The following MAP2K1 variants were observed in gnomAD, a reference collection of about 807,000 sequenced individuals.
MAP2K1 encodes mitogen-activated protein kinase kinase 1.
In MAP2K1, 16 loss-of-function variants were observed where a neutral mutation model predicts 46.3. The observed-to-expected ratio is 0.35, with a 90% CI of 0.23 to 0.52. The LOEUF (loss-of-function observed/expected upper bound fraction) is 0.52. Ranked by LOEUF, MAP2K1 falls within the 20% of genes least tolerant of loss-of-function variation. The pLI, the probability that MAP2K1 is intolerant of heterozygous loss-of-function variation, is 0.94. For missense variants in MAP2K1, 263 were observed against 497.1 expected (o/e 0.53, Z 4.48); for synonymous variants, 183 against 185.6 (o/e 0.99, Z 0.11).
In MAP2K1 at chr15:66,435,255, A is replaced by T. The variant is rs577549188; in HGVS notation, c.291+18A>T. 21 of 1,606,022 alleles carry T rather than the reference A, an allele frequency of 1.3e-5. No homozygotes were observed. In the East Asian group the frequency reaches 4.2e-4, roughly 32 times the overall value. On this transcript the variant is annotated intron_variant, in intron 2 of 10. Transcript: ENST00000307102. ...CCAGAAAGGTGAGTTTGCCTTGATT[A>T]ACAGGTAATTGGATTATTTCTCAGG...
At chr15:66,441,965 A>G (rs919324990) in intron 3 of MAP2K1, among the ~76,000 whole-genome samples, 1 of 152,168 alleles carries the variant, frequency 6.6e-6, no homozygotes, top group African/African-American at 2.4e-5. Context: ...GCCTTGATAC[A>G]TCAGGATCCC....
intron 1 of MAP2K1, among the ~76,000 whole-genome samples, chr15:66,399,024 C>T (rs1383633735): frequency 1.3e-5 from 2 of 152,156 alleles, no homozygotes; most frequent in Admixed American, 6.5e-5. Context: ...CCGCCTGCCG[C>T]GGCCTCCCAA....
intron 5 of MAP2K1, among the ~76,000 whole-genome samples, chr15:66,460,628 A>G (rs953752492): frequency 5.3e-5 from 8 of 152,216 alleles, no homozygotes; most frequent in African/African-American, 1.7e-4. Flanking sequence ...CATGGGCAAC[A>G]GGAAGCAGTG....
At chr15:66,466,585 C>A (rs1394969763) in intron 5 of MAP2K1, among the ~76,000 whole-genome samples, 3 of 152,106 alleles carry the variant, frequency 2.0e-5, no homozygotes, top group African/African-American at 7.2e-5. Context: ...GAGTCTGAGA[C>A]CCAAGAATCA....
chr15:66,420,837 A>G (rs370540427), intron 1 of MAP2K1, among the ~76,000 whole-genome samples: 19,917 of 75,052 alleles, frequency 0.27, 5,998 homozygotes, highest in South Asian at 0.4. Context: ...ATGTGTATAT[A>G]TATGTGTGTA....
chr15:66,431,250 G>A (rs2093474389), intron 1 of MAP2K1, among the ~76,000 whole-genome samples: 1 of 152,146 alleles, frequency 6.6e-6, no homozygotes, highest in Non-Finnish European at 1.5e-5. Flanking sequence ...CGTTGGGTGA[G>A]GGCCCTCTGT....
intron 1 of MAP2K1, among the ~76,000 whole-genome samples, chr15:66,391,657 C>T (rs1408404363): frequency 1.3e-5 from 2 of 152,216 alleles, no homozygotes; most frequent in Admixed American, 1.3e-4. Context: ...TTTGTTGAGT[C>T]AGTGAGTGAA....
intron 5 of MAP2K1, among the ~76,000 whole-genome samples, chr15:66,445,250 G>A (rs1026679306): frequency 1.3e-5 from 2 of 152,064 alleles, no homozygotes; most frequent in Admixed American, 6.6e-5. Context: ...TTAGCCGCCA[G>A]CCATGGTGGC....
intron 5 of MAP2K1, among the ~76,000 whole-genome samples, chr15:66,457,265 T>A (rs1892188841): frequency 6.6e-6 from 1 of 152,174 alleles, no homozygotes; most frequent in South Asian, 2.1e-4. Context: ...ATCACAGGCA[T>A]GTGCCACTAC....
chr15:66,447,948 C>T (rs780266803), intron 5 of MAP2K1, among the ~76,000 whole-genome samples: 22 of 150,696 alleles, frequency 1.5e-4, no homozygotes, highest in Admixed American at 3.3e-4. Context: ...GTCAGGAGTT[C>T]GAGACCAGAC....
chr15:66,464,207 C>G (rs1013939888), intron 5 of MAP2K1, among the ~76,000 whole-genome samples: 11 of 152,252 alleles, frequency 7.2e-5, no homozygotes, highest in Middle Eastern at 3.4e-3. Context: ...TATTCCTAGA[C>G]AGGTAGGTAG....
intron 5 of MAP2K1, among the ~76,000 whole-genome samples, chr15:66,472,140 T>TA (rs1230763671): frequency 4.0e-5 from 6 of 148,666 alleles, no homozygotes; most frequent in Non-Finnish European, 8.9e-5. Flanking sequence ...CCATCTCTAC[T>TA]AAAAAATACA....
In MAP2K1 at chr15:66,481,610, T is replaced by C. The variant is rs575885663; in HGVS notation, c.569-145T>C. 5.7e-6 allele frequency: 5 copies of C among 878,834 alleles called. No individual in the cohort carries two copies. The Admixed American group carries it at 8.7e-5, about 15-fold the overall frequency. 54.4% of individuals were successfully genotyped at this position (878,834 alleles called of 1,614,324 possible). ...ACAAAGGGCCTTGGTGTACAGTGTT[T>C]GCAAGCCAAGGGCTGCCTCTGATGG... On this transcript the variant is annotated intron_variant, in intron 5 of 10. Coordinates refer to ENST00000307102, the MANE Select transcript of MAP2K1 (RefSeq NM_002755.4).
chr15:66,468,769 A>G (rs1228751471), intron 5 of MAP2K1, among the ~76,000 whole-genome samples: 1 of 151,372 alleles, frequency 6.6e-6, no homozygotes, highest in Non-Finnish European at 1.5e-5. Context: ...CATCTCTACT[A>G]AAAATACAAA....
At chr15:66,400,033 T>C (rs910724005) in intron 1 of MAP2K1, among the ~76,000 whole-genome samples, 1 of 152,252 alleles carries the variant, frequency 6.6e-6, no homozygotes, top group Admixed American at 6.5e-5. Flanking sequence ...ATCTACTTTA[T>C]GAATCTTTTT....
intron 1 of MAP2K1, among the ~76,000 whole-genome samples, chr15:66,415,918 T>A (rs1334906183): frequency 2.0e-5 from 3 of 152,184 alleles, no homozygotes; most frequent in Non-Finnish European, 4.4e-5. Flanking sequence ...TAGTTGGATT[T>A]TTTCATACTG....
chr15:66,423,353 G>C (rs954072563), intron 1 of MAP2K1, among the ~76,000 whole-genome samples: 3 of 151,896 alleles, frequency 2.0e-5, no homozygotes, highest in African/African-American at 7.3e-5. Flanking sequence ...GGTCATCTGA[G>C]TCTGGTTCTG....
intron 1 of MAP2K1, among the ~76,000 whole-genome samples, chr15:66,421,093 TACACAC>T (rs71454561): frequency 0.047 from 6,110 of 128,764 alleles, 197 homozygotes; most frequent in Non-Finnish European, 0.072. Context: ...TACACACACA[TACACAC>T]ACACACACAC....
intron 5 of MAP2K1, chr15:66,453,377 A>G: frequency 3.0e-6 from 2 of 660,188 alleles, no homozygotes; most frequent in Non-Finnish European, 2.7e-6. Flanking sequence ...TGCACAGCCA[A>G]GAAAGGGAAG....
Sources: gnomAD v4.1 joint callset for allele counts (sites outside exome capture counted in the v4.1 genomes callset) on GRCh38, gnomAD v4.1.1 for gene constraint, MANE v1.5 for transcripts, NCBI Gene and HGNC (gene_info 2026-07-23, HGNC 2026-07-21) for gene names.